Variants in STK10 observed in about 807,000 individuals in gnomAD.
The protein encoded by STK10 is serine/threonine kinase 10, also known as serine/threonine-protein kinase 10.
In STK10, 78 loss-of-function variants were observed where a neutral mutation model predicts 113.8. That is an observed-to-expected ratio of 0.69 (90% CI 0.57 to 0.83). The LOEUF is 0.83. Ranked by LOEUF, STK10 falls within the 40% of genes least tolerant of loss-of-function variation. The pLI is 0.00. For synonymous variants in STK10, 465 were observed against 494.7 expected (o/e 0.94, Z 0.80); for missense variants, 1,109 against 1,280.1 (o/e 0.87, Z 2.04).
intron 12 of STK10, among the ~76,000 whole-genome samples, chr5:172,071,285 T>A (rs867992318): frequency 9.9e-5 from 4 of 40,528 alleles, no homozygotes; most frequent in African/African-American, 3.5e-4. Context: ...ATGAAAAGTT[T>A]AAAAAAAAAA....
intron 7 of STK10, among the ~76,000 whole-genome samples, chr5:172,104,851 G>A (rs1388117757): frequency 6.6e-6 from 1 of 152,172 alleles, no homozygotes. Flanking sequence ...CAGGCAGGGG[G>A]TGCTTATGTG....
intron 3 of STK10, among the ~76,000 whole-genome samples, chr5:172,119,549 T>C (rs1027801696): frequency 6.6e-6 from 1 of 152,012 alleles, no homozygotes; most frequent in African/African-American, 2.4e-5. Flanking sequence ...GACCCAGCTA[T>C]GCTTGTAGCA....
chr5:172,149,542 G>A (rs534858207), intron 2 of STK10, among the ~76,000 whole-genome samples: 2 of 126,302 alleles, frequency 1.6e-5, no homozygotes, highest in South Asian at 2.4e-4. Flanking sequence ...GTGTGTGTGT[G>A]TCCCAACAAC....
At chr5:172,123,377 A>G (rs902455750) in intron 3 of STK10, among the ~76,000 whole-genome samples, 7 of 152,334 alleles carry the variant, frequency 4.6e-5, no homozygotes, top group African/African-American at 1.7e-4. Context: ...TGGAGCAGTC[A>G]GGACCACGAG....
chr5:172,106,452 C>T (rs904531037), intron 6 of STK10, among the ~76,000 whole-genome samples, 168 bp downstream of exon 6: 6 of 135,484 alleles, frequency 4.4e-5, no homozygotes, highest in African/African-American at 7.9e-5. Context: ...ACGAAGGGCC[C>T]GGGGGGGCTC....
At position 172,082,434 on chromosome 5, in the gene STK10, C is replaced by T. The variant is rs1246183771; in HGVS notation, c.1881G>A (p.Met627Ile). ...GGCGGCGCACGGCATGGTCTTGCTC[C>T]ATCTTCTCCACTTGCTGCTTTTGCT... ...ERQQKQQVEKMEQDHAVRRRE... is the reference protein window; with the variant it reads ...ERQQKQQVEKIEQDHAVRRRE... Residue 627 changes from methionine (M) to isoleucine (I), a missense_variant, in exon 12 of 19, where the codon ATG (methionine) becomes ATA (isoleucine). This residue lies in a region of STK10 where 885 missense variants were observed against 991.1 expected (regional missense o/e 0.89). Coordinates refer to ENST00000176763, the MANE Select transcript of STK10 (RefSeq NM_005990.4). The surrounding 1 kb of genome is among the most constrained non-coding windows in gnomAD (Gnocchi z 4.3). The T allele has an allele frequency of 1.2e-6, 2 of 1,611,700 alleles. No homozygotes were observed. The highest frequency in any genetic ancestry group is 1.7e-6 in the Non-Finnish European group (2 of 1,178,988).
intron 12 of STK10, among the ~76,000 whole-genome samples, chr5:172,072,336 G>A (rs888151842): frequency 5.9e-5 from 9 of 151,580 alleles, no homozygotes; most frequent in Admixed American, 3.9e-4. Context: ...GCGCAATCTC[G>A]GCTCACTGCA....
Position 172,064,809 on chromosome 5 carries a change from T to C in STK10, c.1993A>G (p.Lys665Glu), listed in dbSNP as rs774174494. Residue 665 changes from lysine (K) to glutamate (E), a missense_variant, in exon 13 of 19, where the codon AAG (lysine) becomes GAG (glutamate). Physicochemically the swap from Lys to Glu is moderately conservative, Grantham distance 56. Coordinates refer to ENST00000176763, the MANE Select transcript of STK10 (RefSeq NM_005990.4). ...EQLKLMKKEVKNEVEKLPRQQ... is the reference protein window; with the variant it reads ...EQLKLMKKEVENEVEKLPRQQ... The stretch of plus-strand genomic sequence containing the variant: ...CGGGGGAGCTTCTCCACCTCGTTCT[T>C]CACCTGCAGCAGAGACAGCAGAGAG... 6 of 1,613,290 alleles carry C rather than the reference T, an allele frequency of 3.7e-6. 1 individual carries two copies. Among genetic ancestry groups the C allele is most frequent in the Non-Finnish European group, 5.1e-6 (6 of 1,179,828 alleles).
intron 1 of STK10, among the ~76,000 whole-genome samples, chr5:172,157,374 T>C (rs533298146): frequency 1.4e-4 from 22 of 152,008 alleles, no homozygotes; most frequent in African/African-American, 3.4e-4. Context: ...CTGGCCAACA[T>C]AGTGAAACCC....
In STK10 at chr5:172,052,918, G is replaced by A; in HGVS notation, c.2766+11C>T. 2 of 1,613,508 alleles carry A rather than the reference G, an allele frequency of 1.2e-6. No individual in the cohort carries two copies. The highest frequency in any genetic ancestry group is 1.7e-6 in the Non-Finnish European group (2 of 1,179,920). ...GCCCGAGACTGAGCCCACCAGCTCG[G>A]ATAAAGTTACCTTCTTGCGCGGCCG... On this transcript the variant is annotated intron_variant, in intron 18 of 18. Coordinates refer to ENST00000176763, the MANE Select transcript of STK10 (RefSeq NM_005990.4).
chr5:172,114,556 C>G (rs1174714526), intron 4 of STK10: 6 of 133,588 alleles, frequency 4.5e-5, no homozygotes, highest in Non-Finnish European at 9.2e-5. Flanking sequence ...AATCTCGGCT[C>G]ACTGCAAGCT....
At chr5:172,054,863 C>T (rs1159438925) in intron 16 of STK10, among the ~76,000 whole-genome samples, 169 bp from the exon 17 acceptor site, 1 of 152,224 alleles carries the variant, frequency 6.6e-6, no homozygotes, top group South Asian at 2.1e-4. Flanking sequence ...TCACCCTGAG[C>T]TGAGACCCAG....
intron 15 of STK10, 125 bp downstream of exon 15, chr5:172,057,224 G>T: frequency 7.1e-7 from 1 of 1,403,112 alleles, no homozygotes; most frequent in Non-Finnish European, 9.6e-7. Flanking sequence ...GCCAGCCCTG[G>T]CTCCTCTTGG....
chr5:172,061,368 A>C (rs1581135520), intron 13 of STK10, 100 bp from the exon 14 acceptor site: 1 of 1,471,710 alleles, frequency 6.8e-7, no homozygotes, highest in East Asian at 2.4e-5. Flanking sequence ...TCAGAGAAGA[A>C]AATGCAGGAA....
At chr5:172,129,521 C>T (rs752267241) in intron 2 of STK10, among the ~76,000 whole-genome samples, 5 of 152,208 alleles carry the variant, frequency 3.3e-5, no homozygotes, top group Admixed American at 6.5e-5. Flanking sequence ...TGATCCCGAA[C>T]GCCAAGGAAG....
chr5:172,115,795 C>T (rs1769371540), intron 4 of STK10, among the ~76,000 whole-genome samples: 1 of 152,202 alleles, frequency 6.6e-6, no homozygotes, highest in Middle Eastern at 3.2e-3. Flanking sequence ...TGAGTTAACA[C>T]ATATCAGATG....
intron 2 of STK10, among the ~76,000 whole-genome samples, chr5:172,148,080 G>A (rs138420418): frequency 6.6e-6 from 1 of 152,158 alleles, no homozygotes; most frequent in Non-Finnish European, 1.5e-5. Context: ...AAAGCCACGA[G>A]CAGGTCTGGG....
chr5:172,174,773 G>T (rs2113837096), intron 1 of STK10, among the ~76,000 whole-genome samples: 1 of 152,244 alleles, frequency 6.6e-6, no homozygotes, highest in African/African-American at 2.4e-5. Flanking sequence ...TAGACTGGCA[G>T]GCAGGGGACC....
chr5:172,145,455 C>T (rs1770066829), intron 2 of STK10, among the ~76,000 whole-genome samples: 1 of 152,076 alleles, frequency 6.6e-6, no homozygotes, highest in Admixed American at 6.5e-5. Flanking sequence ...GGGGGTGGGG[C>T]AGTGTGGGGC....
Sources: allele counts gnomAD v4.1 joint callset (sites outside exome capture counted in the v4.1 genomes callset), GRCh38; gene constraint gnomAD v4.1.1; regional missense constraint gnomAD v4.1.1; non-coding constraint Gnocchi (gnomAD v3.1); transcripts MANE v1.5; gene names NCBI Gene and HGNC (gene_info 2026-07-23, HGNC 2026-07-21).